The following ABCA1 variants were observed in gnomAD, a reference collection of about 807,000 sequenced individuals.
ABCA1 encodes phospholipid-transporting ATPase ABCA1.
Under a neutral mutation model 262.5 loss-of-function variants are expected in ABCA1, and 133 were observed. The ratio of observed to expected loss-of-function variants is 0.51; its 90% CI spans 0.44 to 0.59. ABCA1 has a LOEUF of 0.59. Ranked by LOEUF, ABCA1 falls within the 20% of genes least tolerant of loss-of-function variation. The pLI is 0.00. For synonymous variants in ABCA1, 1,022 were observed against 1,043.5 expected (o/e 0.98, Z 0.40); for missense variants, 2,452 against 2,777.5 (o/e 0.88, Z 2.63).
chr9:104,921,334 G>A (rs1842130725), intron 1 of ABCA1, among the ~76,000 whole-genome samples: 1 of 152,128 alleles, frequency 6.6e-6, no homozygotes, highest in Non-Finnish European at 1.5e-5. Flanking sequence ...AGACTTTATA[G>A]AAGAATAGAT....
At chr9:104,924,996 T>A (rs1406843303) in intron 1 of ABCA1, among the ~76,000 whole-genome samples, 2 of 152,216 alleles carry the variant, frequency 1.3e-5, no homozygotes, top group Non-Finnish European at 2.9e-5. Flanking sequence ...AAGGAACCAA[T>A]CCTTGAAAAC....
At chr9:104,795,936 C>A in intron 39 of ABCA1, 117 bp downstream of exon 39, 1 of 1,414,188 alleles carries the variant, frequency 7.1e-7, no homozygotes, top group South Asian at 1.2e-5. Context: ...GAAGACAGGA[C>A]AAGGCAGTCA....
rs149413390 is a variant in ABCA1 at position 104,915,657 on chromosome 9, A to G, written c.-92-11886T>C. Among the ~76,000 whole-genome samples, 526 of 152,254 alleles carry G rather than the reference A, an allele frequency of 3.5e-3. 5 individuals carry two copies. The highest frequency in any genetic ancestry group is 0.012 in the African/African-American group (505 of 41,556). ...AAAAACTACTGTTATTAAGATTTTC[A>G]CAAATCAAACATTCTGTGTGCCAAA... On this transcript the variant is annotated intron_variant, in intron 1 of 49. Coordinates refer to ENST00000374736, the MANE Select transcript of ABCA1 (RefSeq NM_005502.4).
intron 25 of ABCA1, among the ~76,000 whole-genome samples, chr9:104,814,940 A>G (rs140853355): frequency 0.023 from 3,505 of 152,248 alleles, 152 homozygotes; most frequent in African/African-American, 0.081. Flanking sequence ...GGTTGCAGTG[A>G]GCCAAAATCG....
At chr9:104,811,868 A>G (rs1831311037) in intron 28 of ABCA1, among the ~76,000 whole-genome samples, 1 of 152,218 alleles carries the variant, frequency 6.6e-6, no homozygotes, top group Admixed American at 6.5e-5. Flanking sequence ...TAAGTAGCAA[A>G]GTCAGGATTC....
At position 104,868,613 on chromosome 9, in the gene ABCA1, G is replaced by A. The variant is rs145771066; in HGVS notation, c.422-6813C>T. On this transcript the variant is annotated intron_variant, in intron 5 of 49. Coordinates refer to ENST00000374736, the MANE Select transcript of ABCA1 (RefSeq NM_005502.4). ...CTCTTCAATACAGACCAAAATACTT[G>A]ACCTGCTGAGCTCAGCCTCCTTGGT... is the stretch of plus-strand genomic sequence containing the variant. Among the ~76,000 whole-genome samples, 573 of 152,284 alleles carry A rather than the reference G, an allele frequency of 3.8e-3. 2 individuals are homozygous for A. Among genetic ancestry groups the A allele is most frequent in the Non-Finnish European group, 6.9e-3 (468 of 68,030 alleles).
chr9:104,867,593 G>A (rs1837212592), intron 5 of ABCA1, among the ~76,000 whole-genome samples: 1 of 152,212 alleles, frequency 6.6e-6, no homozygotes, highest in Non-Finnish European at 1.5e-5. Flanking sequence ...GAGTTCCTAA[G>A]ACAGAATTAT....
chr9:104,840,658 A>G, intron 8 of ABCA1, 139 bp from the exon 9 acceptor site: 5 of 935,910 alleles, frequency 5.3e-6, no homozygotes, highest in Middle Eastern at 3.4e-4. Context: ...ATTTTGTCTG[A>G]TGTCATCTCA....
At chr9:104,904,605 T>C (rs1478639765) in intron 1 of ABCA1, among the ~76,000 whole-genome samples, 2 of 149,828 alleles carry the variant, frequency 1.3e-5, no homozygotes, top group African/African-American at 4.9e-5. Flanking sequence ...AGCAGTTTCC[T>C]AATCTGGAAA....
intron 5 of ABCA1, 43 bp from the exon 6 acceptor site, chr9:104,861,843 A>C (rs1305278530): frequency 1.3e-5 from 2 of 149,762 alleles, no homozygotes; most frequent in Non-Finnish European, 2.0e-5. Flanking sequence ...TAAGTAACTC[A>C]AAAAAAAAAA....
chr9:104,886,095 G>A (rs1839144744), intron 3 of ABCA1, among the ~76,000 whole-genome samples: 1 of 152,180 alleles, frequency 6.6e-6, no homozygotes, highest in Non-Finnish European at 1.5e-5. Context: ...AGTGCCTGGT[G>A]TAGGACAAAG....
intron 37 of ABCA1, among the ~76,000 whole-genome samples, chr9:104,796,791 T>C (rs1829934334): frequency 6.6e-6 from 1 of 152,210 alleles, no homozygotes; most frequent in Admixed American, 6.5e-5. Context: ...ATTAATGCTA[T>C]ATTATAGTCT....
chr9:104,819,790 T>A, intron 21 of ABCA1, 67 bp from the exon 22 acceptor site: 1 of 1,612,978 alleles, frequency 6.2e-7, no homozygotes. Context: ...GCAGAGGACC[T>A]AGGGGCACAG....
chr9:104,790,442 A>G (rs1248001213), intron 44 of ABCA1, among the ~76,000 whole-genome samples: 1 of 152,246 alleles, frequency 6.6e-6, no homozygotes, highest in Non-Finnish European at 1.5e-5. Context: ...AAAATTCCAC[A>G]TCTTAGGAAA....
At position 104,809,438 on chromosome 9, in the gene ABCA1, G is replaced by A. The variant is rs530108678; in HGVS notation, c.4274+28C>T. ...TCAAACCAGGCAACAAGCACAAGAA[G>A]CCTGCTTATGGCTAAAGTGGCACTC... is the stretch of plus-strand genomic sequence containing the variant. On this transcript the variant is annotated intron_variant, in intron 30 of 49. Transcript: ENST00000374736. 19 of 1,605,208 alleles carry A rather than the reference G, an allele frequency of 1.2e-5. No individual in the cohort carries two copies. In the South Asian group the frequency reaches 2.1e-4, roughly 18 times the overall value.
chr9:104,880,509 T>TAA (rs776287743), intron 5 of ABCA1, among the ~76,000 whole-genome samples: 14 of 120,280 alleles, frequency 1.2e-4, no homozygotes, highest in Non-Finnish European at 1.1e-4. Context: ...ACCCTGTCTC[T>TAA]AAAAAAAAAA....
At chr9:104,915,909 G>A (rs2118508384) in intron 1 of ABCA1, among the ~76,000 whole-genome samples, 1 of 152,158 alleles carries the variant, frequency 6.6e-6, no homozygotes, top group African/African-American at 2.4e-5. Flanking sequence ...GTGCCATCTG[G>A]GGTCAGAGTG....
intron 7 of ABCA1, among the ~76,000 whole-genome samples, chr9:104,854,686 T>C (rs1835680370): frequency 6.6e-6 from 1 of 152,184 alleles, no homozygotes; most frequent in African/African-American, 2.4e-5. Flanking sequence ...TACACCTTGC[T>C]GAGCAGCAAG....
At chr9:104,884,369 A>G (rs891305163) in intron 4 of ABCA1, 58 bp downstream of exon 4, 2 of 1,608,252 alleles carry the variant, frequency 1.2e-6, no homozygotes, top group Non-Finnish European at 8.5e-7. Context: ...AGAGGACAAG[A>G]AAGGAAGGAA....
Sources: allele counts gnomAD v4.1 joint callset (sites outside exome capture counted in the v4.1 genomes callset), GRCh38; gene constraint gnomAD v4.1.1; transcripts MANE v1.5; gene names NCBI Gene and HGNC (gene_info 2026-07-23, HGNC 2026-07-21).